GABBR2: variants seen among roughly 807,000 people sequenced by gnomAD.
GABBR2 encodes gamma-aminobutyric acid type B receptor subunit 2.
In GABBR2, 23 loss-of-function variants were observed where a neutral mutation model predicts 105.6. That is an observed-to-expected ratio of 0.22 (90% CI 0.16 to 0.31). The LOEUF (loss-of-function observed/expected upper bound fraction) is 0.31. Ranked by LOEUF, GABBR2 falls within the 10% of genes least tolerant of loss-of-function variation. The pLI, the probability that GABBR2 is intolerant of heterozygous loss-of-function variation, is 1.00. For synonymous variants in GABBR2, 478 were observed against 499.7 expected, an observed-to-expected ratio of 0.96 and a Z score of 0.58; for missense variants, 734 against 1,245.5, an observed-to-expected ratio of 0.59 and a Z score of 6.18.
intron 7 of GABBR2, among the ~76,000 whole-genome samples, chr9:98,435,980 G>T (rs1825894671): frequency 6.6e-6 from 1 of 151,862 alleles, no homozygotes; most frequent in South Asian, 2.1e-4. Flanking sequence ...ATGATTATCA[G>T]TTTTCATCTG....
intron 1 of GABBR2, among the ~76,000 whole-genome samples, chr9:98,620,277 C>T (rs1829650943): frequency 1.4e-5 from 2 of 147,692 alleles, no homozygotes; most frequent in Non-Finnish European, 3.0e-5. Context: ...CTCCCCGCTC[C>T]CAGCCCTGAA....
intron 1 of GABBR2, among the ~76,000 whole-genome samples, chr9:98,635,656 T>C (rs957833374): frequency 6.6e-6 from 1 of 152,120 alleles, no homozygotes; most frequent in Non-Finnish European, 1.5e-5. Context: ...TTAAGTCAGA[T>C]GTGACAATCT....
intron 7 of GABBR2, among the ~76,000 whole-genome samples, chr9:98,442,070 A>G (rs59561185): frequency 0.17 from 25,902 of 152,228 alleles, 2,509 homozygotes; most frequent in East Asian, 0.38. Flanking sequence ...ATAATCCAAA[A>G]TAAATATGTA....
rs772523931 is a variant in GABBR2, at chr9:98,290,689, G to A, written c.2721C>T (p.Ile907=). Residue 907 remains isoleucine (I), a synonymous_variant, in exon 19 of 19, where the codon ATC becomes ATT. Coordinates refer to ENST00000259455, the MANE Select transcript of GABBR2 (RefSeq NM_005458.8). Reference sequence around the variant, plus strand: ...TGACACAGCTGGCGTCCACGCCTCCGATGGATGGGAGGTAGGCGTGGTGGA... The same window carrying A: ...TGACACAGCTGGCGTCCACGCCTCCAATGGATGGGAGGTAGGCGTGGTGGA... The part of the protein sequence containing the change: ...PILHHAYLPS[I]GGVDASCVSP... 59 of 1,480,706 alleles carry A rather than the reference G, an allele frequency of 4.0e-5. No homozygotes were observed. The highest frequency in any genetic ancestry group is 3.6e-4 in the Middle Eastern group (2 of 5,584). The allele number at this position is 1,480,706 out of a possible 1,614,324, so 91.7% of individuals were successfully genotyped here.
chr9:98,418,923 T>A (rs976212391), intron 7 of GABBR2, among the ~76,000 whole-genome samples: 2 of 152,248 alleles, frequency 1.3e-5, no homozygotes, highest in Admixed American at 6.5e-5. Context: ...GATGCAAGCA[T>A]CCCTACGATT....
At chr9:98,357,899 C>T (rs1831516184) in intron 13 of GABBR2, among the ~76,000 whole-genome samples, 1 of 151,944 alleles carries the variant, frequency 6.6e-6, no homozygotes, top group Admixed American at 6.6e-5. Context: ...TGTATGTATC[C>T]TTAAACAATA....
At chr9:98,475,617 T>C (rs1168503417) in intron 5 of GABBR2, among the ~76,000 whole-genome samples, 1 of 152,232 alleles carries the variant, frequency 6.6e-6, no homozygotes, top group African/African-American at 2.4e-5. Flanking sequence ...TGAAATTTTC[T>C]CAACACATAT....
intron 13 of GABBR2, among the ~76,000 whole-genome samples, chr9:98,329,736 C>A (rs3780438): frequency 0.62 from 94,422 of 152,024 alleles, 30,782 homozygotes; most frequent in African/African-American, 0.83. Context: ...TCTCATACAG[C>A]AAAGCTGAAC....
At chr9:98,452,800 T>C (rs7028271) in intron 7 of GABBR2, among the ~76,000 whole-genome samples, 42,874 of 152,104 alleles carry the variant, frequency 0.28, 6,857 homozygotes, top group African/African-American at 0.43. Flanking sequence ...GTAGCTTGCT[T>C]AATAAATATT....
At chr9:98,578,172 G>T in intron 1 of GABBR2, 100 bp from the exon 2 acceptor site, 1 of 1,346,616 alleles carries the variant, frequency 7.4e-7, no homozygotes, top group Non-Finnish European at 1.0e-6. Flanking sequence ...AAACCTTCTG[G>T]GTTTCAGTTC....
intron 6 of GABBR2, among the ~76,000 whole-genome samples, chr9:98,469,865 A>G (rs1826632810): frequency 1.3e-5 from 2 of 152,136 alleles, no homozygotes; most frequent in Admixed American, 6.5e-5. Flanking sequence ...ATGGACATCG[A>G]TGGATCCCAA....
intron 3 of GABBR2, among the ~76,000 whole-genome samples, chr9:98,501,510 C>G (rs891395933): frequency 5.3e-5 from 8 of 152,190 alleles, no homozygotes; most frequent in Non-Finnish European, 7.3e-5. Flanking sequence ...AAGGAAGGGA[C>G]AATCCCTCTC....
At chr9:98,426,640 AC>A (rs140342592) in intron 7 of GABBR2, among the ~76,000 whole-genome samples, 135 of 152,266 alleles carry the variant, frequency 8.9e-4, no homozygotes, top group African/African-American at 3.1e-3. Context: ...GAGTTGGGGG[AC>A]TATTGGTTTC....
intron 13 of GABBR2, 77 bp downstream of exon 13, chr9:98,362,638 A>G: frequency 8.2e-7 from 1 of 1,219,630 alleles, no homozygotes; most frequent in African/African-American, 1.5e-5. Context: ...GCAGTCTGGG[A>G]GCTGTGCAGC....
chr9:98,362,511 C>T (rs148733850), intron 13 of GABBR2: 6 of 327,944 alleles, frequency 1.8e-5, no homozygotes, highest in African/African-American at 8.5e-5. Flanking sequence ...ATTCATTCTG[C>T]GTGTATTAAT....
intron 7 of GABBR2, among the ~76,000 whole-genome samples, chr9:98,436,368 T>TACACACACACACC (rs1389198643): frequency 8.3e-5 from 1 of 11,996 alleles, no homozygotes; most frequent in East Asian, 3.8e-3. Flanking sequence ...TATATATATA[T>TACACACACACACC]ATATATATAT....
chr9:98,309,329 A>G (rs1295036228), intron 14 of GABBR2, among the ~76,000 whole-genome samples: 1 of 152,264 alleles, frequency 6.6e-6, no homozygotes, highest in Non-Finnish European at 1.5e-5. Context: ...AGATGTCAAT[A>G]TGATTCATCG....
At chr9:98,651,545 C>T (rs1438236177) in intron 1 of GABBR2, among the ~76,000 whole-genome samples, 1 of 152,166 alleles carries the variant, frequency 6.6e-6, no homozygotes, top group Non-Finnish European at 1.5e-5. Flanking sequence ...AGCAATCCTC[C>T]TGTCCCAGCC....
At chr9:98,367,311 A>C (rs868410048) in intron 12 of GABBR2, among the ~76,000 whole-genome samples, 8 of 151,170 alleles carry the variant, frequency 5.3e-5, no homozygotes, top group Non-Finnish European at 8.8e-5. Context: ...AAAAAAAAAA[A>C]AAAATAAGGG....
Sources: gnomAD v4.1 joint callset for allele counts (sites outside exome capture counted in the v4.1 genomes callset) on GRCh38, gnomAD v4.1.1 for gene constraint, MANE v1.5 for transcripts, NCBI Gene and HGNC (gene_info 2026-07-23, HGNC 2026-07-21) for gene names.